NRXN3: variants seen among roughly 807,000 people sequenced by gnomAD.
NRXN3 encodes the protein neurexin 3.
NRXN3 carries 32 observed loss-of-function variants against 137.6 expected under a neutral mutation model. The ratio of observed to expected loss-of-function variants is 0.23; its 90% CI spans 0.18 to 0.31. NRXN3 has a LOEUF of 0.31. NRXN3 is among the 10% of genes least tolerant of loss of function. The pLI is 1.00. For missense variants in NRXN3, 1,574 were observed against 2,062.5 expected (o/e 0.76, Z 4.59); for synonymous variants, 798 against 784.5 (o/e 1.02, Z -0.29).
chr14:79,203,505 A>T (rs1159346361), intron 15 of NRXN3, among the ~76,000 whole-genome samples: 1 of 152,142 alleles, frequency 6.6e-6, no homozygotes, highest in Non-Finnish European at 1.5e-5. Context: ...AATTTCTCAA[A>T]TATCCAGGCC....
intron 20 of NRXN3, among the ~76,000 whole-genome samples, chr14:79,844,426 T>C (rs905936337): frequency 1.3e-5 from 2 of 151,688 alleles, no homozygotes; most frequent in African/African-American, 4.8e-5. Flanking sequence ...ATGGCAGCTA[T>C]TGCCTTACAA....
intron 4 of NRXN3, among the ~76,000 whole-genome samples, chr14:78,421,882 T>C (rs972910746): frequency 6.6e-6 from 1 of 152,138 alleles, no homozygotes. Flanking sequence ...TAATCACATA[T>C]TGTCTTTGCA....
At chr14:78,350,056 G>A (rs2083274157) in intron 4 of NRXN3, among the ~76,000 whole-genome samples, 1 of 152,152 alleles carries the variant, frequency 6.6e-6, no homozygotes, top group African/African-American at 2.4e-5. Flanking sequence ...GGGAAGCTGA[G>A]GCAGGTGGAT....
rs145110212 is a variant in NRXN3 at position 78,594,666 on chromosome 14, C to G, written c.758-50454C>G. On this transcript the variant is annotated intron_variant, in intron 4 of 20. Coordinates refer to ENST00000335750, the MANE Select transcript of NRXN3 (RefSeq NM_001330195.2). ...CAATCTCCCCATTCCAGTCCATTTC[C>G]TATGACTTTGTGTCATTGGCAATGT... Among the ~76,000 whole-genome samples, 323 of 152,302 alleles carry G rather than the reference C, an allele frequency of 2.1e-3. 2 individuals carry two copies. The highest frequency in any genetic ancestry group is 7.1e-3 in the African/African-American group (297 of 41,564).
At chr14:79,364,532 A>G (rs1355179375) in intron 15 of NRXN3, among the ~76,000 whole-genome samples, 2 of 152,234 alleles carry the variant, frequency 1.3e-5, no homozygotes, top group African/African-American at 2.4e-5. Context: ...GGAGTATGAA[A>G]TCAGTCACAA....
intron 16 of NRXN3, among the ~76,000 whole-genome samples, chr14:79,614,588 A>G (rs751103200): frequency 1.6e-4 from 24 of 152,202 alleles, no homozygotes; most frequent in Non-Finnish European, 2.6e-4. Flanking sequence ...GATTTCATGC[A>G]AAATTAATTA....
At chr14:79,744,709 G>T (rs1381128929) in intron 19 of NRXN3, among the ~76,000 whole-genome samples, 1 of 152,108 alleles carries the variant, frequency 6.6e-6, no homozygotes, top group Non-Finnish European at 1.5e-5. Context: ...TGCAGATTTT[G>T]TTTCTGCATT....
chr14:78,751,376 T>C (rs921660569), intron 8 of NRXN3, among the ~76,000 whole-genome samples: 5 of 152,178 alleles, frequency 3.3e-5, no homozygotes, highest in African/African-American at 1.2e-4. Flanking sequence ...CCCAGTGTGG[T>C]GATGTGCACT....
intron 19 of NRXN3, among the ~76,000 whole-genome samples, chr14:79,777,874 G>GAAT (rs1429173001): frequency 6.6e-6 from 1 of 151,504 alleles, no homozygotes; most frequent in African/African-American, 2.4e-5. Context: ...AAGCACATCT[G>GAAT]TCCTCCCAGG....
chr14:78,668,649 A>T (rs1228418378), intron 6 of NRXN3, among the ~76,000 whole-genome samples: 1 of 152,190 alleles, frequency 6.6e-6, no homozygotes, highest in Non-Finnish European at 1.5e-5. Flanking sequence ...CCTGGGTCTC[A>T]ACAGTGCCGA....
chr14:78,953,351 G>A (rs571435465), intron 10 of NRXN3, among the ~76,000 whole-genome samples: 1 of 152,132 alleles, frequency 6.6e-6, no homozygotes, highest in Non-Finnish European at 1.5e-5. Flanking sequence ...GTTCCATAGG[G>A]TTACTGTAGG....
At chr14:79,793,592 T>C (rs2099152162) in intron 19 of NRXN3, among the ~76,000 whole-genome samples, 1 of 152,182 alleles carries the variant, frequency 6.6e-6, no homozygotes, top group Non-Finnish European at 1.5e-5. Flanking sequence ...GGGTTAGCTA[T>C]ATAATTTGTG....
At chr14:79,142,843 G>C (rs894632321) in intron 15 of NRXN3, among the ~76,000 whole-genome samples, 1 of 152,158 alleles carries the variant, frequency 6.6e-6, no homozygotes, top group Admixed American at 6.5e-5. Flanking sequence ...TTGTGGATTT[G>C]CTCAGTGGAA....
intron 15 of NRXN3, among the ~76,000 whole-genome samples, chr14:79,404,878 C>T (rs1334870991): frequency 2.6e-5 from 4 of 152,160 alleles, no homozygotes; most frequent in African/African-American, 9.7e-5. Flanking sequence ...GATATGCATA[C>T]ATGTGCAGGC....
At chr14:79,240,448 C>T (rs1271898502) in intron 15 of NRXN3, among the ~76,000 whole-genome samples, 3 of 152,094 alleles carry the variant, frequency 2.0e-5, no homozygotes, top group African/African-American at 4.8e-5. Context: ...CCCTAACAGC[C>T]TTTATCTGTT....
chr14:78,618,184 C>A (rs2097365193), intron 4 of NRXN3, among the ~76,000 whole-genome samples: 1 of 150,110 alleles, frequency 6.7e-6, no homozygotes, highest in African/African-American at 2.4e-5. Context: ...AATCAGAAGA[C>A]AAAAAACTTC....
intron 15 of NRXN3, among the ~76,000 whole-genome samples, chr14:79,407,648 T>G (rs2095340557): frequency 6.6e-6 from 1 of 152,076 alleles, no homozygotes; most frequent in Non-Finnish European, 1.5e-5. Context: ...GTATGTGCCT[T>G]GGGAGAGTGA....
At chr14:78,907,937 C>T (rs1372631952) in intron 10 of NRXN3, among the ~76,000 whole-genome samples, 1 of 152,052 alleles carries the variant, frequency 6.6e-6, no homozygotes, top group African/African-American at 2.4e-5. Context: ...ATAATGGCCT[C>T]CAGCTCCACC....
At chr14:79,245,892 A>G (rs116027719) in intron 15 of NRXN3, among the ~76,000 whole-genome samples, 186 of 152,296 alleles carry the variant, frequency 1.2e-3, no homozygotes, top group African/African-American at 4.1e-3. Context: ...AAAGGGAAAG[A>G]GGAAGGAGTA....
Sources: gnomAD v4.1 joint callset for allele counts (sites outside exome capture counted in the v4.1 genomes callset) on GRCh38, gnomAD v4.1.1 for gene constraint, MANE v1.5 for transcripts, NCBI Gene and HGNC (gene_info 2026-07-23, HGNC 2026-07-21) for gene names.